TBL1Y: variants seen among roughly 807,000 people sequenced by gnomAD.
The protein encoded by TBL1Y is transducin beta like 1 Y-linked.
TBL1Y carries 15 observed loss-of-function variants against 12.0 expected under a neutral mutation model. That is an observed-to-expected ratio of 1.25 (90% CI 0.83 to 1.92). The LOEUF is 1.92. TBL1Y is among the 40% of genes most tolerant of loss of function. The probability of loss-of-function intolerance (pLI) is 0.00; values close to 1 mark genes in which losing one functional copy is unlikely to be tolerated. For missense variants in TBL1Y, 148 were observed against 116.7 expected, an observed-to-expected ratio of 1.27 and a Z score of -1.24; for synonymous variants, 53 against 42.6, an observed-to-expected ratio of 1.24 and a Z score of -0.95.
chrY:7,056,898 A>G (rs2012826261), intron 7 of TBL1Y, among the ~76,000 whole-genome samples: 1 of 33,921 alleles, frequency 2.9e-5, no homozygotes, highest in Admixed American at 2.7e-4. Context: ...TCCAAATTAC[A>G]GATGGAGCAA....
At chrY:7,062,509 C>G (rs2012878855) in intron 7 of TBL1Y, among the ~76,000 whole-genome samples, 4 of 33,380 alleles carry the variant, frequency 1.2e-4, no homozygotes, top group African/African-American at 4.7e-4. Flanking sequence ...TAGCATGAGA[C>G]CTATGAAGGT....
chrY:7,009,971 C>T (rs2012507336), intron 4 of TBL1Y, among the ~76,000 whole-genome samples: 1 of 26,396 alleles, frequency 3.8e-5, no homozygotes, highest in East Asian at 1.0e-3. Context: ...GTGGAGGTTG[C>T]GGTGATCTGA....
At chrY:6,918,853 C>A (rs2011754850) in intron 2 of TBL1Y, 2 of 30,991 alleles carry the variant, frequency 6.5e-5, no homozygotes, top group African/African-American at 2.5e-4. Flanking sequence ...TTTCCTGTTA[C>A]CTTTTCTCCC....
intron 3 of TBL1Y, among the ~76,000 whole-genome samples, chrY:6,987,258 C>T: frequency 1.9e-4 from 6 of 32,164 alleles, no homozygotes; most frequent in Non-Finnish European, 7.6e-5. Flanking sequence ...TCTAACTGTT[C>T]GCAGCCACTG....
intron 17 of TBL1Y, among the ~76,000 whole-genome samples, chrY:7,087,649 C>T: frequency 6.0e-5 from 2 of 33,387 alleles, no homozygotes; most frequent in Non-Finnish European, 1.5e-4. Flanking sequence ...GGAAGGGCAT[C>T]GTGTCTGCTG....
At chrY:7,017,130 G>T (rs765707083) in intron 4 of TBL1Y, among the ~76,000 whole-genome samples, 2 of 33,034 alleles carry the variant, frequency 6.1e-5, no homozygotes, top group East Asian at 1.6e-3. Context: ...AGACCATTCT[G>T]ACTAACATGG....
At chrY:6,962,366 A>G (rs2124117344) in intron 2 of TBL1Y, among the ~76,000 whole-genome samples, 1 of 33,745 alleles carries the variant, frequency 3.0e-5, no homozygotes, top group African/African-American at 1.1e-4. Context: ...TATGAGTAAT[A>G]TAAAGTGGGA....
chrY:6,937,541 C>T, intron 2 of TBL1Y, among the ~76,000 whole-genome samples: 3 of 32,718 alleles, frequency 9.2e-5, no homozygotes, highest in Admixed American at 8.4e-4. Context: ...TGTACTCCAG[C>T]CCAGGTGACA....
intron 3 of TBL1Y, among the ~76,000 whole-genome samples, chrY:6,993,342 C>T (rs1026868860): frequency 3.4e-5 from 1 of 29,175 alleles, no homozygotes; most frequent in Non-Finnish European, 8.0e-5. Flanking sequence ...AATTTTCACC[C>T]ACACCTTGCA....
chrY:7,063,786 C>T, intron 7 of TBL1Y, 111 bp from the exon 8 acceptor site: 1 of 281,467 alleles, frequency 3.6e-6, no homozygotes, highest in Non-Finnish European at 5.5e-6. Flanking sequence ...CTGCTGGGAG[C>T]CAGCTATTTA....
chrY:6,937,470 G>A, intron 2 of TBL1Y, among the ~76,000 whole-genome samples: 1 of 33,049 alleles, frequency 3.0e-5, no homozygotes, highest in African/African-American at 1.2e-4. Flanking sequence ...TCGGAAGACT[G>A]AGGCAGGAGA....
chrY:7,023,243 C>T (rs912825707), intron 5 of TBL1Y, among the ~76,000 whole-genome samples: 6 of 32,332 alleles, frequency 1.9e-4, no homozygotes, highest in Non-Finnish European at 4.5e-4. Context: ...TTGGGCACTG[C>T]GGCTTAGAAA....
At chrY:7,048,425 G>A (rs2012774500) in intron 7 of TBL1Y, among the ~76,000 whole-genome samples, 1 of 32,294 alleles carries the variant, frequency 3.1e-5, no homozygotes, top group Non-Finnish European at 7.5e-5. Flanking sequence ...ATCATGACTC[G>A]GAAATTTTAA....
At chrY:6,933,405 A>G (rs2011880608) in intron 2 of TBL1Y, among the ~76,000 whole-genome samples, 1 of 33,711 alleles carries the variant, frequency 3.0e-5, no homozygotes, top group Non-Finnish European at 7.3e-5. Context: ...AATCAGGATA[A>G]TGATGGACTT....
intron 7 of TBL1Y, among the ~76,000 whole-genome samples, chrY:7,044,888 C>T (rs1035132528): frequency 3.0e-5 from 1 of 33,605 alleles, no homozygotes. Flanking sequence ...TCAGCTGATC[C>T]GCCAACCTCT....
At chrY:7,042,396 T>C in intron 6 of TBL1Y, among the ~76,000 whole-genome samples, 1 of 26,743 alleles carries the variant, frequency 3.7e-5, no homozygotes, top group East Asian at 9.5e-4. Context: ...CTTTATTCCT[T>C]TTTTTTTTTT....
chrY:7,003,835 G>A lies in TBL1Y; in HGVS notation c.-140+7937G>A. Among the ~76,000 whole-genome samples, 7 of 32,706 alleles carry A rather than the reference G, an allele frequency of 2.1e-4. No homozygotes were observed. In the South Asian group the frequency reaches 5.0e-3, roughly 24 times the overall value. 87.7% of individuals were successfully genotyped at this position (32,706 alleles called of 37,273 possible). On this transcript the variant is annotated intron_variant, in intron 4 of 18. Transcript: ENST00000383032. ...AGGGAGATGGGGCTTAGACTAAGAC[G>A]TGTTCTTAAATTCCATCCCTCCTCC...
intron 7 of TBL1Y, among the ~76,000 whole-genome samples, chrY:7,052,327 A>G (rs2012802178): frequency 3.0e-5 from 1 of 33,804 alleles, no homozygotes; most frequent in East Asian, 7.8e-4. Flanking sequence ...ATGGATACAC[A>G]TACATAAACA....
At chrY:6,916,677 T>A (rs562118395) in intron 2 of TBL1Y, among the ~76,000 whole-genome samples, 10 of 32,757 alleles carry the variant, frequency 3.1e-4, no homozygotes, top group Admixed American at 5.7e-4. Flanking sequence ...CCTGAGATTA[T>A]GCCATTGCAC....
Sources: gnomAD v4.1 joint callset for allele counts (sites outside exome capture counted in the v4.1 genomes callset) on GRCh38, gnomAD v4.1.1 for gene constraint, MANE v1.5 for transcripts, NCBI Gene and HGNC (gene_info 2026-07-23, HGNC 2026-07-21) for gene names.